Variants in PPP1R12B observed in about 807,000 individuals in gnomAD.
PPP1R12B encodes the protein protein phosphatase 1 regulatory subunit 12B.
Under a neutral mutation model 126.1 loss-of-function variants are expected in PPP1R12B, and 76 were observed. The ratio of observed to expected loss-of-function variants is 0.60; its 90% CI spans 0.50 to 0.73. PPP1R12B has a LOEUF of 0.73. Ranked by LOEUF, PPP1R12B falls within the 30% of genes least tolerant of loss-of-function variation. The pLI, the probability that PPP1R12B is intolerant of heterozygous loss-of-function variation, is 0.00. For synonymous variants in PPP1R12B, 356 were observed against 434.7 expected (o/e 0.82, Z 2.25); for missense variants, 1,052 against 1,205.1 (o/e 0.87, Z 1.88).
chr1:202,408,296 C>T (rs906430878), intron 1 of PPP1R12B, among the ~76,000 whole-genome samples: 3 of 121,684 alleles, frequency 2.5e-5, no homozygotes, highest in African/African-American at 7.5e-5. Flanking sequence ...AGTAAAATGC[C>T]TCATGTGAGA....
chr1:202,365,954 C>T (rs1659142288), intron 1 of PPP1R12B, among the ~76,000 whole-genome samples: 1 of 152,076 alleles, frequency 6.6e-6, no homozygotes, highest in Non-Finnish European at 1.5e-5. Context: ...TGCACCGCTG[C>T]ACTCCAGCCT....
chr1:202,430,829 A>G lies in PPP1R12B; in HGVS notation c.1001+19A>G. ...TTAAGAAGTAAGACATTTAGGCTTGAGTAATGGGATGAGCTTTGCTCTGTG... is the reference window on the plus strand; with the variant it reads ...TTAAGAAGTAAGACATTTAGGCTTGGGTAATGGGATGAGCTTTGCTCTGTG... On this transcript the variant is annotated intron_variant, in intron 7 of 23. Transcript: ENST00000608999. 1 of 1,609,654 alleles carries G rather than the reference A, an allele frequency of 6.2e-7. No individual in the cohort carries two copies.
intron 18 of PPP1R12B, among the ~76,000 whole-genome samples, chr1:202,549,442 C>T (rs1469300208): frequency 1.6e-4 from 22 of 140,384 alleles, no homozygotes; most frequent in East Asian, 2.1e-4. Flanking sequence ...TTTTTTGAGA[C>T]GGAGTCTCGC....
At chr1:202,360,892 C>CT (rs11311546) in intron 1 of PPP1R12B, among the ~76,000 whole-genome samples, 10 of 109,448 alleles carry the variant, frequency 9.1e-5, no homozygotes, top group African/African-American at 2.3e-4. Flanking sequence ...ACCATTAGCT[C>CT]TTTTTTTTTT....
intron 19 of PPP1R12B, 105 bp downstream of exon 19, chr1:202,558,998 T>C (rs1326158095): frequency 2.6e-6 from 3 of 1,172,408 alleles, no homozygotes; most frequent in Non-Finnish European, 3.5e-6. Context: ...TCTCACATCC[T>C]TTCCATCCTT....
rs185598955 is a variant in PPP1R12B at position 202,382,429 on chromosome 1, A to T, written c.291+33287A>T. Among the ~76,000 whole-genome samples the T allele has an allele frequency of 9.7e-3, 1,460 of 150,810 alleles. 15 individuals carry two copies. Among genetic ancestry groups the T allele is most frequent in the African/African-American group, 0.018 (741 of 41,272 alleles). Reference sequence around the variant, plus strand: ...CTAGAACTTAAAGTATAATAAAAAAAATATATATATAAAAGAAAAAGAAAA... The same window carrying T: ...CTAGAACTTAAAGTATAATAAAAAATATATATATATAAAAGAAAAAGAAAA... On this transcript the variant is annotated intron_variant, in intron 1 of 23. Transcript: ENST00000608999.
chr1:202,433,912 G>A (rs1313959413), intron 8 of PPP1R12B, among the ~76,000 whole-genome samples: 2 of 152,178 alleles, frequency 1.3e-5, no homozygotes, highest in African/African-American at 4.8e-5. Flanking sequence ...TCAGCTCAAT[G>A]CCTGGTACAT....
intron 18 of PPP1R12B, among the ~76,000 whole-genome samples, chr1:202,554,806 C>T (rs1004701932): frequency 1.3e-5 from 2 of 151,690 alleles, no homozygotes; most frequent in African/African-American, 2.4e-5. Context: ...TGTTTGCTTT[C>T]AGTTACTCCT....
chr1:202,545,860 G>A (rs1216781962), intron 18 of PPP1R12B, among the ~76,000 whole-genome samples: 3 of 152,152 alleles, frequency 2.0e-5, no homozygotes, highest in African/African-American at 2.4e-5. Flanking sequence ...GCTGCATATC[G>A]GTGTGGCTAG....
chr1:202,442,088 G>A (rs556303948), intron 11 of PPP1R12B, among the ~76,000 whole-genome samples: 97 of 152,004 alleles, frequency 6.4e-4, no homozygotes, highest in African/African-American at 2.1e-3. Flanking sequence ...ACCTCAAGTG[G>A]TCTGCCTGCC....
intron 15 of PPP1R12B, among the ~76,000 whole-genome samples, chr1:202,494,166 C>T (rs1338358339): frequency 6.6e-6 from 1 of 152,134 alleles, no homozygotes; most frequent in African/African-American, 2.4e-5. Flanking sequence ...CTCTGAATGG[C>T]TAGATTCTAT....
At chr1:202,538,024 T>C (rs541747179) in intron 18 of PPP1R12B, among the ~76,000 whole-genome samples, 14 of 152,266 alleles carry the variant, frequency 9.2e-5, no homozygotes, top group Non-Finnish European at 1.8e-4. Context: ...GTTTTGTTCT[T>C]GTCGCCCAGG....
rs958747619 is a variant in PPP1R12B, at chr1:202,440,840, A to C, written c.1541+52A>C. 2.1e-6 allele frequency: 3 copies of C among 1,444,742 alleles called. No homozygotes were observed. The Admixed American group carries it at 5.2e-5, about 25-fold the overall frequency. 89.5% of individuals were successfully genotyped at this position (1,444,742 alleles called of 1,614,324 possible). A position where few individuals can be genotyped will look rare whatever the true frequency, so the allele number is the denominator to read the frequency against. ...GTCCTCATCCTCTTAGGTCTACTGG[A>C]CATAGTCATCTCCTGGGCATTACTC... On this transcript the variant is annotated intron_variant, in intron 11 of 23. Transcript: ENST00000608999.
chr1:202,537,581 C>G (rs1684677382), intron 18 of PPP1R12B, among the ~76,000 whole-genome samples: 1 of 152,132 alleles, frequency 6.6e-6, no homozygotes, highest in Non-Finnish European at 1.5e-5. Context: ...TTACTACTTC[C>G]TAGAAGTGGA....
intron 23 of PPP1R12B, among the ~76,000 whole-genome samples, chr1:202,569,972 A>C (rs1050119776): frequency 1.3e-5 from 2 of 152,222 alleles, no homozygotes; most frequent in African/African-American, 4.8e-5. Context: ...GAAAGGGGCA[A>C]GATGGATACA....
chr1:202,410,952 A>G (rs1263446555), intron 1 of PPP1R12B, among the ~76,000 whole-genome samples: 1 of 152,220 alleles, frequency 6.6e-6, no homozygotes, highest in Non-Finnish European at 1.5e-5. Flanking sequence ...CCCCATTATC[A>G]TGAGTGACAT....
At chr1:202,373,166 C>T (rs1208564863) in intron 1 of PPP1R12B, among the ~76,000 whole-genome samples, 1 of 152,070 alleles carries the variant, frequency 6.6e-6, no homozygotes, top group Non-Finnish European at 1.5e-5. Context: ...GAACTCCTGA[C>T]CTCAAGTGAT....
chr1:202,408,843 CTTTTTTT>C (rs35632865), intron 1 of PPP1R12B, among the ~76,000 whole-genome samples: 1 of 113,336 alleles, frequency 8.8e-6, no homozygotes, highest in Non-Finnish European at 1.8e-5. Flanking sequence ...TTATTTCTTT[CTTTTTTT>C]TTTTTTTTTT....
Position 202,402,599 on chromosome 1 carries a change from G to A in PPP1R12B, c.292-14188G>A, listed in dbSNP as rs1315235047. Among the ~76,000 whole-genome samples, 3 of 152,222 alleles carry A rather than the reference G, an allele frequency of 2.0e-5. No homozygotes were observed. In the East Asian group the frequency reaches 5.8e-4, roughly 29 times the overall value. Reference sequence around the variant, plus strand: ...AATTGATTATACCCAGATTTGGACTGTTAAGGCCTAGCAGAAACAAGACGC... The same window carrying A: ...AATTGATTATACCCAGATTTGGACTATTAAGGCCTAGCAGAAACAAGACGC... On this transcript the variant is annotated intron_variant, in intron 1 of 23. Transcript: ENST00000608999.
Sources: gnomAD v4.1 joint callset for allele counts (sites outside exome capture counted in the v4.1 genomes callset) on GRCh38, gnomAD v4.1.1 for gene constraint, MANE v1.5 for transcripts, NCBI Gene and HGNC (gene_info 2026-07-23, HGNC 2026-07-21) for gene names.